TPO: variants seen among roughly 807,000 people sequenced by gnomAD.
TPO encodes thyroid peroxidase, also known as thyroid microsomal antigen.
Under a neutral mutation model 96.9 loss-of-function variants are expected in TPO, and 78 were observed. The ratio of observed to expected loss-of-function variants is 0.81; its 90% CI spans 0.67 to 0.97. The LOEUF (loss-of-function observed/expected upper bound fraction) is 0.97, where lower values mean the gene tolerates loss of function less well. Among genes scored for constraint, TPO ranks in the 50% least tolerant of loss-of-function variants. The pLI is 0.00. For synonymous variants in TPO, 547 were observed against 538.0 expected (o/e 1.02, Z -0.23); for missense variants, 1,252 against 1,274.8 (o/e 0.98, Z 0.27).
Position 1,456,365 on chromosome 2 carries a change from G to C in TPO, c.819+83G>C, listed in dbSNP as rs370652332. The C allele has an allele frequency of 1.4e-4, 204 of 1,439,842 alleles. 2 individuals are homozygous for C. In the African/African-American group the frequency reaches 2.6e-3, roughly 18 times the overall value. 89.2% of individuals were successfully genotyped at this position (1,439,842 alleles called of 1,614,324 possible). ...CAAACAGAATGGTATAAAACAAAAT[G>C]TGAAAGTCTGTTTCTTTGTCCTATT... On this transcript the variant is annotated intron_variant, in intron 7 of 16. Transcript: ENST00000329066.
chr2:1,493,212 G>GT (rs1671958215), intron 10 of TPO, among the ~76,000 whole-genome samples: 1 of 127,240 alleles, frequency 7.9e-6, no homozygotes, highest in Non-Finnish European at 1.7e-5. Context: ...GAGTGGGTGG[G>GT]GGGGGGGGTG....
At chr2:1,525,983 AGCAACCTCCCCAAATCCCCCACTGTGT>A (rs1558408833) in intron 15 of TPO, among the ~76,000 whole-genome samples, 32 of 66,128 alleles carry the variant, frequency 4.8e-4, no homozygotes, top group Admixed American at 1.3e-3. Context: ...CCCCACTGTG[AGCAACCTCCCCAAATCCCCCACTGTGT>A]GCAACCTCCC....
rs368287638 is a variant in TPO at position 1,449,265 on chromosome 2, A to G, written c.483-4429A>G. On this transcript the variant is annotated intron_variant, in intron 5 of 16. Transcript: ENST00000329066. Reference sequence around the variant, plus strand: ...AAAAATCATCAAAAGTATAAATTCAATGTTGCATCTCCCATCCAGATATTT... The same window carrying G: ...AAAAATCATCAAAAGTATAAATTCAGTGTTGCATCTCCCATCCAGATATTT... Among the ~76,000 whole-genome samples, 11 of 152,286 alleles carry G rather than the reference A, an allele frequency of 7.2e-5. No individual in the cohort carries two copies. The South Asian group carries it at 2.3e-3, about 32-fold the overall frequency.
intron 1 of TPO, among the ~76,000 whole-genome samples, chr2:1,388,799 C>T (rs959401692): frequency 1.4e-4 from 21 of 152,140 alleles, no homozygotes; most frequent in South Asian, 2.1e-4. Flanking sequence ...TCTTCTGCGT[C>T]GCTCACACTG....
At chr2:1,393,022 G>T (rs1445822843) in intron 1 of TPO, among the ~76,000 whole-genome samples, 2 of 152,138 alleles carry the variant, frequency 1.3e-5, no homozygotes, top group African/African-American at 4.8e-5. Flanking sequence ...ACTGACTCAG[G>T]TCATTCTCAT....
At chr2:1,523,630 A>G (rs1311826276) in intron 15 of TPO, among the ~76,000 whole-genome samples, 3 of 103,404 alleles carry the variant, frequency 2.9e-5, no homozygotes, top group African/African-American at 7.7e-5. Context: ...ACTGTGAGCA[A>G]CCTCCTCAAA....
intron 5 of TPO, among the ~76,000 whole-genome samples, chr2:1,442,153 A>G (rs549787738): frequency 6.6e-6 from 1 of 152,328 alleles, no homozygotes; most frequent in African/African-American, 2.4e-5. Context: ...TCGTAAGTCC[A>G]TTAAACCTCC....
intron 16 of TPO, 58 bp from the exon 17 acceptor site, chr2:1,542,363 C>CTGT: frequency 6.2e-7 from 1 of 1,605,076 alleles, no homozygotes; most frequent in Non-Finnish European, 8.5e-7. Flanking sequence ...CAAGTGTGTG[C>CTGT]TGTTACTGGA....
intron 8 of TPO, among the ~76,000 whole-genome samples, chr2:1,483,512 G>A (rs560641788): frequency 1.3e-4 from 20 of 152,226 alleles, no homozygotes; most frequent in African/African-American, 4.1e-4. Context: ...CTTCTCACGC[G>A]GTTAGGAGGA....
chr2:1,471,440 A>G (rs563145223), intron 7 of TPO, among the ~76,000 whole-genome samples: 2 of 146,116 alleles, frequency 1.4e-5, no homozygotes, highest in South Asian at 2.3e-4. Context: ...TTTTCCTGTG[A>G]CCCCCCCCCA....
In TPO at chr2:1,482,956, C is replaced by T. The variant is rs530927363; in HGVS notation, c.1339-1640C>T. On this transcript the variant is annotated intron_variant, in intron 8 of 16. Coordinates refer to ENST00000329066, the MANE Select transcript of TPO (RefSeq NM_001206744.2). ...TTGGCCTCCCAAAGTGCTGGGATTA[C>T]AGGCGCAAGCCACTGCGCCTGACTC... is the stretch of plus-strand genomic sequence containing the variant. Among the ~76,000 whole-genome samples, 11 of 152,330 alleles carry T rather than the reference C, an allele frequency of 7.2e-5. No individual in the cohort carries two copies. The South Asian group carries it at 1.7e-3, about 23-fold the overall frequency.
intron 14 of TPO, chr2:1,512,381 G>T: frequency 1.0e-6 from 1 of 985,366 alleles, no homozygotes; most frequent in Non-Finnish European, 1.2e-6. Flanking sequence ...CTGTCCATCT[G>T]CCTCTCCAGA....
rs1329439393 is a variant in TPO at position 1,533,791 on chromosome 2, C to G, written c.2619-6803C>G. Among the ~76,000 whole-genome samples the G allele has an allele frequency of 6.0e-4, 42 of 69,664 alleles. 1 individual carries two copies. The highest frequency in any genetic ancestry group is 2.0e-3 in the African/African-American group (39 of 19,122). 45.7% of individuals were successfully genotyped at this position (69,664 alleles called of 152,430 possible). On this transcript the variant is annotated intron_variant, in intron 15 of 16. Coordinates refer to ENST00000329066, the MANE Select transcript of TPO (RefSeq NM_001206744.2). ...TCTGAGTAGCCTCCTCAAATCCCCC[C>G]CAGTGTGTGCAACGTCCCCAAATCG...
chr2:1,450,542 C>G (rs768700502), intron 5 of TPO, among the ~76,000 whole-genome samples: 2 of 152,186 alleles, frequency 1.3e-5, no homozygotes, highest in Non-Finnish European at 2.9e-5. Context: ...AAGAAAGGAA[C>G]AGTGTGGTAC....
chr2:1,527,091 TC>T (rs540845164), intron 15 of TPO, among the ~76,000 whole-genome samples: 2 of 25,666 alleles, frequency 7.8e-5, no homozygotes, highest in African/African-American at 1.6e-4. Context: ...CCTCCCCAAA[TC>T]CCCCCACTTT....
chr2:1,440,017 C>T (rs1246306980), intron 5 of TPO, among the ~76,000 whole-genome samples: 1 of 152,214 alleles, frequency 6.6e-6, no homozygotes, highest in Non-Finnish European at 1.5e-5. Context: ...CGGCGTCCCT[C>T]TCAGTCACCA....
rs376824080 is a variant in TPO at position 1,433,558 on chromosome 2, G to A, written c.300G>A (p.Ala100=). The A allele has an allele frequency of 7.4e-6, 12 of 1,614,132 alleles. No homozygotes were observed. The highest frequency in any genetic ancestry group is 1.6e-4 in the Middle Eastern group (1 of 6,062). Residue 100 remains alanine, a synonymous_variant, in exon 4 of 17, where the codon GCG becomes GCA. Transcript: ENST00000329066. ...AAEIMETSIQ[A]MKRKVNLKTQ... is the part of the protein sequence containing the mutation. ...AGATAATGGAAACATCAATACAAGCGATGAAAAGAAAAGTCAACCTGAAAA... is the reference window on the plus strand; with the variant it reads ...AGATAATGGAAACATCAATACAAGCAATGAAAAGAAAAGTCAACCTGAAAA...
At chr2:1,512,949 T>A (rs1024209799) in intron 14 of TPO, among the ~76,000 whole-genome samples, 8 of 152,212 alleles carry the variant, frequency 5.3e-5, no homozygotes, top group African/African-American at 1.9e-4. Flanking sequence ...CCTTTCTGCA[T>A]CCCTGACGCA....
intron 15 of TPO, among the ~76,000 whole-genome samples, chr2:1,529,681 C>T (rs1198156441): frequency 3.1e-5 from 4 of 130,744 alleles, no homozygotes; most frequent in African/African-American, 6.0e-5. Flanking sequence ...CTGTGTGCAA[C>T]CTCCTCAAAT....
Sources: allele counts gnomAD v4.1 joint callset (sites outside exome capture counted in the v4.1 genomes callset), GRCh38; gene constraint gnomAD v4.1.1; transcripts MANE v1.5; gene names NCBI Gene and HGNC (gene_info 2026-07-23, HGNC 2026-07-21).